Variants in TAF4 observed in about 807,000 individuals in gnomAD.
TAF4 encodes the protein transcription initiation factor TFIID subunit 4.
In TAF4, 9 loss-of-function variants were observed where a neutral mutation model predicts 90.3. The observed-to-expected ratio is 0.10, with a 90% CI of 0.06 to 0.17. The LOEUF is 0.17. Ranked by LOEUF, TAF4 falls within the 10% of genes least tolerant of loss-of-function variation. TAF4 has a pLI of 1.00. For synonymous variants in TAF4, 818 were observed against 638.9 expected (o/e 1.28, Z -4.23); for missense variants, 1,351 against 1,370.7 (o/e 0.99, Z 0.23).
intron 1 of TAF4, among the ~76,000 whole-genome samples, chr20:62,055,643 G>A (rs953754047): frequency 1.3e-5 from 2 of 152,160 alleles, no homozygotes; most frequent in African/African-American, 4.8e-5. Flanking sequence ...TCTACACGGG[G>A]GACCCCTGCA....
intron 1 of TAF4, among the ~76,000 whole-genome samples, chr20:62,048,060 C>T (rs914033448): frequency 1.3e-5 from 2 of 152,144 alleles, no homozygotes; most frequent in Non-Finnish European, 2.9e-5. Context: ...AGTCACAATA[C>T]GGGGAAGGGT....
chr20:61,993,805 T>C (rs1339984976), intron 14 of TAF4, among the ~76,000 whole-genome samples: 4 of 152,114 alleles, frequency 2.6e-5, no homozygotes, highest in African/African-American at 9.7e-5. Context: ...CAGGCTAGAG[T>C]GCAGTGGCAC....
intron 1 of TAF4, among the ~76,000 whole-genome samples, chr20:62,026,855 A>G (rs1343617500): frequency 2.0e-5 from 3 of 152,208 alleles, no homozygotes; most frequent in South Asian, 4.1e-4. Flanking sequence ...TGGTCTGCAC[A>G]GCAGTCAGCC....
At chr20:61,982,767 G>A (rs1036550544) in intron 14 of TAF4, among the ~76,000 whole-genome samples, 1 of 151,900 alleles carries the variant, frequency 6.6e-6, no homozygotes, top group East Asian at 1.9e-4. Flanking sequence ...GCGGGACTCT[G>A]AGATGCAACC....
rs1181621664 is a variant in TAF4, at chr20:62,065,318, C to CGGCGGGGCCGGCGGGCTT, written c.475_492dup (p.Lys159_Ala164dup). 154 of 932,340 alleles carry CGGCGGGGCCGGCGGGCTT rather than the reference C, an allele frequency of 1.7e-4. No individual in the cohort carries two copies. The highest frequency in any genetic ancestry group is 1.3e-3 in the African/African-American group (68 of 51,302). The allele number at this position is 932,340 out of a possible 1,614,324, so 57.8% of individuals were successfully genotyped here. ...CCGGGGCCGGCGCGGGCGGCCAGCG[C>CGGCGGGGCCGGCGGGCTT]GGCGGGGCCGGCGGGCTTGGCGGGG... On this transcript the variant is annotated inframe_insertion, in exon 1 of 15. Transcript: ENST00000252996.
intron 14 of TAF4, among the ~76,000 whole-genome samples, chr20:61,979,765 C>T (rs1242300548): frequency 6.8e-5 from 10 of 147,282 alleles, no homozygotes; most frequent in Non-Finnish European, 1.5e-4. Flanking sequence ...CATGTGCAGG[C>T]GCCGTGGCCA....
chr20:62,046,424 G>A (rs1200302518), intron 1 of TAF4, among the ~76,000 whole-genome samples: 1 of 152,206 alleles, frequency 6.6e-6, no homozygotes, highest in African/African-American at 2.4e-5. Flanking sequence ...GCTTTTTCTA[G>A]AATTTCATAC....
chr20:61,981,559 G>C (rs977837843), intron 14 of TAF4: 1 of 152,224 alleles, frequency 6.6e-6, no homozygotes, highest in African/African-American at 2.4e-5. Flanking sequence ...AACAGTCTGA[G>C]GGAGGGGAGG....
rs550465087 is a variant in TAF4, at chr20:62,053,931, G to A, written c.1360+10520C>T. On this transcript the variant is annotated intron_variant, in intron 1 of 14. Transcript: ENST00000252996. ...CAGCCGCAGGACTGCAGGGACTGAC[G>A]GAGATGAGCCTCCCCAGGCAGATGA... Among the ~76,000 whole-genome samples the A allele has an allele frequency of 6.6e-5, 10 of 152,362 alleles. No individual in the cohort carries two copies. In the South Asian group the frequency reaches 8.3e-4, roughly 13 times the overall value.
intron 1 of TAF4, among the ~76,000 whole-genome samples, chr20:62,018,526 T>G (rs1269414449): frequency 2.0e-5 from 3 of 152,228 alleles, no homozygotes; most frequent in African/African-American, 7.2e-5. Flanking sequence ...TACTCCTCTC[T>G]CTGCACTTGC....
chr20:62,059,867 C>T (rs2056079857), intron 1 of TAF4, among the ~76,000 whole-genome samples: 1 of 152,218 alleles, frequency 6.6e-6, no homozygotes, highest in African/African-American at 2.4e-5. Context: ...AACACAGCTG[C>T]TAATTATGCT....
intron 7 of TAF4, chr20:62,005,211 G>A (rs888788265): frequency 1.2e-4 from 18 of 152,128 alleles, no homozygotes; most frequent in African/African-American, 3.1e-4. Context: ...CAGGCCCTGC[G>A]GTGCAGGGAG....
intron 14 of TAF4, among the ~76,000 whole-genome samples, chr20:61,994,742 A>G (rs1480893851): frequency 6.6e-6 from 1 of 152,198 alleles, no homozygotes. Flanking sequence ...CCTGTCCCAG[A>G]GTGCACCTGC....
At chr20:62,060,551 G>GGCAGGGA (rs2056083963) in intron 1 of TAF4, among the ~76,000 whole-genome samples, 1 of 152,230 alleles carries the variant, frequency 6.6e-6, no homozygotes, top group African/African-American at 2.4e-5. Context: ...CGGGGCAGGG[G>GGCAGGGA]GCAGGGAGGA....
intron 1 of TAF4, among the ~76,000 whole-genome samples, chr20:62,016,058 C>A (rs1266256439): frequency 1.3e-5 from 2 of 152,218 alleles, no homozygotes; most frequent in Non-Finnish European, 2.9e-5. Flanking sequence ...ACAGGAAAGG[C>A]CTCCAAGGCT....
intron 1 of TAF4, among the ~76,000 whole-genome samples, chr20:62,045,554 A>C (rs539213087): frequency 2.0e-5 from 3 of 152,360 alleles, no homozygotes; most frequent in Non-Finnish European, 4.4e-5. Flanking sequence ...AGGAATACAG[A>C]CTAGCATGCG....
rs1394581821 is a variant in TAF4 at position 62,064,986 on chromosome 20, G to T, written c.825C>A (p.Pro275=). The change falls in exon 1 of 15, where the codon CCC becomes CCA. Residue 275 remains proline, a synonymous_variant. Coordinates refer to ENST00000252996, the MANE Select transcript of TAF4 (RefSeq NM_003185.4). The stretch of plus-strand genomic sequence containing the variant: ...GCGGCCGGGCCAGAGTGGCGGGCGC[G>T]GGGGGTGGCGGGGGCGGGGCGGCGG... ...APAAAPPPPP[P]APATLARPPG... The T allele has an allele frequency of 1.1e-5, 3 of 263,970 alleles. No individual in the cohort carries two copies. Among genetic ancestry groups the T allele is most frequent in the South Asian group, 1.5e-4 (1 of 6,790 alleles). The allele number at this position is 263,970 out of a possible 1,614,324, so 16.4% of individuals were successfully genotyped here.
chr20:62,051,978 G>A (rs4925335), intron 1 of TAF4, among the ~76,000 whole-genome samples: 83,525 of 151,864 alleles, frequency 0.55, 23,407 homozygotes, highest in Middle Eastern at 0.67. Context: ...GCAGACACAC[G>A]ACCAAACCCC....
At chr20:62,044,605 G>C (rs2055982476) in intron 1 of TAF4, among the ~76,000 whole-genome samples, 1 of 152,170 alleles carries the variant, frequency 6.6e-6, no homozygotes, top group African/African-American at 2.4e-5. Context: ...TTACTCTCAT[G>C]TTATTGTTGT....
Sources: allele counts gnomAD v4.1 joint callset (sites outside exome capture counted in the v4.1 genomes callset), GRCh38; gene constraint gnomAD v4.1.1; transcripts MANE v1.5; gene names NCBI Gene and HGNC (gene_info 2026-07-23, HGNC 2026-07-21).